The following HS2ST1 variants were observed in gnomAD, a reference collection of about 807,000 sequenced individuals.
HS2ST1 encodes heparan sulfate 2-O-sulfotransferase 1.
A neutral mutation model predicts 42.9 loss-of-function variants in HS2ST1; 18 were observed. That is an observed-to-expected ratio of 0.42 (90% CI 0.29 to 0.62). HS2ST1 has a LOEUF of 0.62. HS2ST1 is among the 20% of genes least tolerant of loss of function. The pLI is 0.21. For missense variants in HS2ST1, 334 were observed against 433.8 expected (o/e 0.77, Z 2.04); for synonymous variants, 146 against 152.9 (o/e 0.95, Z 0.33).
intron 1 of HS2ST1, among the ~76,000 whole-genome samples, chr1:87,038,027 G>T (rs1650425275): frequency 6.6e-6 from 1 of 152,078 alleles, no homozygotes; most frequent in African/African-American, 2.4e-5. Context: ...TCTTTATATT[G>T]TTAATGATTA....
At chr1:86,920,405 C>T (rs918925773) in intron 1 of HS2ST1, among the ~76,000 whole-genome samples, 2 of 152,124 alleles carry the variant, frequency 1.3e-5, no homozygotes, top group Non-Finnish European at 1.5e-5. Flanking sequence ...TGCTAGATTT[C>T]CTCACTTCTG....
At chr1:87,100,435 C>T (rs1652172278) in intron 5 of HS2ST1, among the ~76,000 whole-genome samples, 1 of 152,140 alleles carries the variant, frequency 6.6e-6, no homozygotes, top group African/African-American at 2.4e-5. Flanking sequence ...TGGGCCTGCC[C>T]CCTTAAATCA....
intron 1 of HS2ST1, among the ~76,000 whole-genome samples, chr1:86,981,193 ACCTCCCTTGCTC>A (rs1648580263): frequency 6.6e-6 from 1 of 151,938 alleles, no homozygotes; most frequent in African/African-American, 2.4e-5. Flanking sequence ...TGATTCAATC[ACCTCCCTTGCTC>A]CCTCAACATG....
intron 1 of HS2ST1, among the ~76,000 whole-genome samples, chr1:86,961,238 T>TA (rs960020298): frequency 1.9e-4 from 28 of 146,528 alleles, no homozygotes; most frequent in South Asian, 1.1e-3. Flanking sequence ...CTCTGTCCAT[T>TA]AAAAAAAAAA....
At chr1:86,995,015 GTA>G (rs1391252924) in intron 1 of HS2ST1, among the ~76,000 whole-genome samples, 1 of 152,016 alleles carries the variant, frequency 6.6e-6, no homozygotes, top group Non-Finnish European at 1.5e-5. Flanking sequence ...AAGGGGTACT[GTA>G]TGTGTCAAAA....
At chr1:86,997,861 T>C (rs1649152885) in intron 1 of HS2ST1, among the ~76,000 whole-genome samples, 1 of 152,188 alleles carries the variant, frequency 6.6e-6, no homozygotes, top group African/African-American at 2.4e-5. Flanking sequence ...CTCAAAATAG[T>C]GTGCAATTTA....
intron 1 of HS2ST1, among the ~76,000 whole-genome samples, chr1:86,995,612 G>A (rs1009439533): frequency 1.3e-5 from 2 of 152,038 alleles, no homozygotes; most frequent in Admixed American, 6.6e-5. Context: ...ATTTTGTGGG[G>A]TAGGTGAGGA....
chr1:87,031,365 T>C (rs1480102049), intron 1 of HS2ST1, among the ~76,000 whole-genome samples: 2 of 152,242 alleles, frequency 1.3e-5, no homozygotes, highest in Admixed American at 6.5e-5. Context: ...ATACATGTTT[T>C]CTAAAGTTTT....
At chr1:87,006,925 G>T (rs1409810310) in intron 1 of HS2ST1, among the ~76,000 whole-genome samples, 1 of 151,998 alleles carries the variant, frequency 6.6e-6, no homozygotes, top group East Asian at 1.9e-4. Flanking sequence ...TCATTATACG[G>T]CTGCTAGTAC....
chr1:86,987,716 A>G (rs567705624), intron 1 of HS2ST1, among the ~76,000 whole-genome samples: 1 of 152,282 alleles, frequency 6.6e-6, no homozygotes, highest in South Asian at 2.1e-4. Flanking sequence ...GTCTGTCTCT[A>G]TTCACTTTGT....
At chr1:87,070,416 C>T (rs564479023) in intron 1 of HS2ST1, among the ~76,000 whole-genome samples, 7 of 152,084 alleles carry the variant, frequency 4.6e-5, no homozygotes, top group East Asian at 3.9e-4. Context: ...CATGGTGAAA[C>T]GCCGTCTCTA....
chr1:87,021,046 G>C (rs888206076), intron 1 of HS2ST1, among the ~76,000 whole-genome samples: 3 of 152,096 alleles, frequency 2.0e-5, no homozygotes, highest in Non-Finnish European at 4.4e-5. Context: ...TCCTATTCCA[G>C]ACATTGGCTG....
At chr1:87,056,848 A>G (rs1650983870) in intron 1 of HS2ST1, among the ~76,000 whole-genome samples, 1 of 152,218 alleles carries the variant, frequency 6.6e-6, no homozygotes. Flanking sequence ...AATAGTGTAT[A>G]TTCATTAATA....
chr1:86,977,373 A>G (rs1398169807), intron 1 of HS2ST1, among the ~76,000 whole-genome samples: 1 of 152,252 alleles, frequency 6.6e-6, no homozygotes, highest in Non-Finnish European at 1.5e-5. Context: ...AGAGGCACGC[A>G]CAAGGGAGTG....
chr1:87,095,674 T>C (rs1322404029), intron 4 of HS2ST1, among the ~76,000 whole-genome samples: 1 of 152,194 alleles, frequency 6.6e-6, no homozygotes, highest in Non-Finnish European at 1.5e-5. Context: ...AACTTTTTGA[T>C]ATAGGAACTC....
intron 1 of HS2ST1, among the ~76,000 whole-genome samples, chr1:86,989,742 C>T (rs1648889209): frequency 6.6e-6 from 1 of 152,092 alleles, no homozygotes; most frequent in African/African-American, 2.4e-5. Context: ...CCCAGCAGGC[C>T]CCAGTGTGTG....
intron 5 of HS2ST1, among the ~76,000 whole-genome samples, chr1:87,100,619 T>C (rs1439454541): frequency 1.3e-5 from 2 of 150,236 alleles, no homozygotes; most frequent in Non-Finnish European, 3.0e-5. Flanking sequence ...TCCTTCCCTA[T>C]TCCCTGCCCT....
intron 1 of HS2ST1, among the ~76,000 whole-genome samples, chr1:87,070,624 A>G (rs77152156): frequency 0.019 from 2,928 of 152,246 alleles, 95 homozygotes; most frequent in African/African-American, 0.067. Context: ...TAGGTTCTCA[A>G]TACAAATTAG....
At position 87,107,961 on chromosome 1, in the gene HS2ST1, G is replaced by C. The variant is rs1475627999; in HGVS notation, c.*3265G>C. 1.3e-5 allele frequency: 2 copies of C among 151,924 alleles called. No homozygotes were observed. Among genetic ancestry groups the C allele is most frequent in the Admixed American group, 6.6e-5 (1 of 15,240 alleles). 9.4% of individuals were successfully genotyped at this position (151,924 alleles called of 1,614,324 possible). Reference sequence around the variant, plus strand: ...ATTGGATTTAAGCTATTGAAAATTGGATAATTTAAACTTAATGATTTTTAT... The same window carrying C: ...ATTGGATTTAAGCTATTGAAAATTGCATAATTTAAACTTAATGATTTTTAT... On this transcript the variant is annotated 3_prime_UTR_variant, in exon 7 of 7. Coordinates refer to ENST00000370550, the MANE Select transcript of HS2ST1 (RefSeq NM_012262.4).
Sources: allele counts gnomAD v4.1 joint callset (sites outside exome capture counted in the v4.1 genomes callset), GRCh38; gene constraint gnomAD v4.1.1; transcripts MANE v1.5; gene names NCBI Gene and HGNC (gene_info 2026-07-23, HGNC 2026-07-21).